SLC44A1: variants seen among roughly 807,000 people sequenced by gnomAD.
SLC44A1 encodes solute carrier family 44 member 1.
In SLC44A1, 26 loss-of-function variants were observed where a neutral mutation model predicts 79.3. That is an observed-to-expected ratio of 0.33 (90% CI 0.24 to 0.46). The LOEUF is 0.46. Among genes scored for constraint, SLC44A1 ranks in the 20% least tolerant of loss-of-function variants. The pLI is 1.00. For missense variants in SLC44A1, 688 were observed against 798.1 expected, an observed-to-expected ratio of 0.86 and a Z score of 1.66; for synonymous variants, 263 against 286.2, an observed-to-expected ratio of 0.92 and a Z score of 0.82.
At chr9:105,404,655 A>G (rs920142006) in intron 15 of SLC44A1, among the ~76,000 whole-genome samples, 2 of 152,216 alleles carry the variant, frequency 1.3e-5, no homozygotes, top group Non-Finnish European at 2.9e-5. Flanking sequence ...GGGGATAGGA[A>G]TATGCTTCGA....
At chr9:105,356,175 T>C (rs1302743808) in intron 5 of SLC44A1, 37 bp from the exon 6 acceptor site, 8 of 1,553,120 alleles carry the variant, frequency 5.2e-6, no homozygotes, top group African/African-American at 1.4e-5. Context: ...TAAGTAGGAG[T>C]AATTTTTTTT....
chr9:105,402,914 C>T (rs1214175475), intron 15 of SLC44A1, among the ~76,000 whole-genome samples: 6 of 151,192 alleles, frequency 4.0e-5, no homozygotes, highest in Admixed American at 2.0e-4. Context: ...ATAGCTCAAG[C>T]GATCCTCCCA....
chr9:105,299,931 G>T, intron 2 of SLC44A1: 1 of 985,534 alleles, frequency 1.0e-6, no homozygotes. Flanking sequence ...AGAGTTGCTG[G>T]TATAAGGTAT....
chr9:105,292,333 A>G (rs953903771), intron 1 of SLC44A1, among the ~76,000 whole-genome samples: 1 of 152,192 alleles, frequency 6.6e-6, no homozygotes, highest in Non-Finnish European at 1.5e-5. Flanking sequence ...AACCCTACAC[A>G]ATAAGTGTCA....
At chr9:105,437,085 C>T (rs1011207546) in intron 15 of SLC44A1, among the ~76,000 whole-genome samples, 1 of 152,006 alleles carries the variant, frequency 6.6e-6, no homozygotes, top group African/African-American at 2.4e-5. Flanking sequence ...CTGAGCCGGC[C>T]CTTATTTTTA....
chr9:105,391,692 C>A lies in SLC44A1; in HGVS notation c.*2636C>A. Reference sequence around the variant, plus strand: ...TTTTCATTCATTTCAAGTCATTCTTCAGCTAGCTATGGGCTGCCTTATTGC... The same window carrying A: ...TTTTCATTCATTTCAAGTCATTCTTAAGCTAGCTATGGGCTGCCTTATTGC... On this transcript the variant is annotated 3_prime_UTR_variant, in exon 16 of 16. Coordinates refer to ENST00000374720, the MANE Select transcript of SLC44A1 (RefSeq NM_080546.5). 1.0e-6 allele frequency: 1 copy of A among 985,304 alleles called. No individual in the cohort carries two copies. Among genetic ancestry groups the A allele is most frequent in the Non-Finnish European group, 1.2e-6 (1 of 829,898 alleles). The allele number at this position is 985,304 out of a possible 1,614,324, so 61.0% of individuals were successfully genotyped here.
chr9:105,409,083 CCTTA>C (rs1380985905), intron 15 of SLC44A1, among the ~76,000 whole-genome samples: 68 of 152,142 alleles, frequency 4.5e-4, no homozygotes, highest in African/African-American at 1.5e-3. Context: ...AGAAGCAAGG[CCTTA>C]CTTACCAGTT....
chr9:105,434,770 T>C (rs1829442793), intron 15 of SLC44A1, among the ~76,000 whole-genome samples: 1 of 152,234 alleles, frequency 6.6e-6, no homozygotes, highest in African/African-American at 2.4e-5. Flanking sequence ...CATCCAAGTG[T>C]AATGAAATCA....
intron 1 of SLC44A1, among the ~76,000 whole-genome samples, chr9:105,250,503 A>C (rs1281572626): frequency 6.6e-6 from 1 of 152,262 alleles, no homozygotes; most frequent in African/African-American, 2.4e-5. Context: ...CTGCAAAGAA[A>C]GAATGAAATA....
intron 15 of SLC44A1, among the ~76,000 whole-genome samples, chr9:105,414,357 C>T (rs1490728766): frequency 6.6e-6 from 1 of 152,138 alleles, no homozygotes; most frequent in Non-Finnish European, 1.5e-5. Context: ...GCCCAGCCGA[C>T]AGTTAGTGTT....
intron 1 of SLC44A1, among the ~76,000 whole-genome samples, chr9:105,270,345 G>A (rs1830050259): frequency 6.6e-6 from 1 of 152,158 alleles, no homozygotes; most frequent in Non-Finnish European, 1.5e-5. Flanking sequence ...ACTCATGGTC[G>A]TCTTGTGCTT....
At chr9:105,309,991 G>T (rs1831135801) in intron 3 of SLC44A1, 125 bp downstream of exon 3, 1 of 1,013,502 alleles carries the variant, frequency 9.9e-7, no homozygotes, top group Admixed American at 3.0e-5. Context: ...ACTTCTGTTG[G>T]TGTGTTTGAT....
At chr9:105,357,511 T>C (rs1253896477) in intron 6 of SLC44A1, among the ~76,000 whole-genome samples, 1 of 152,208 alleles carries the variant, frequency 6.6e-6, no homozygotes, top group East Asian at 1.9e-4. Context: ...TAAAAAATCT[T>C]TGTTCATTTG....
At chr9:105,375,574 T>A (rs559588406) in intron 13 of SLC44A1, among the ~76,000 whole-genome samples, 3 of 152,314 alleles carry the variant, frequency 2.0e-5, no homozygotes, top group African/African-American at 7.2e-5. Flanking sequence ...TGTTAATACA[T>A]GTAGGGTATC....
intron 1 of SLC44A1, among the ~76,000 whole-genome samples, chr9:105,269,967 C>T (rs576333608): frequency 6.6e-6 from 1 of 152,298 alleles, no homozygotes; most frequent in South Asian, 2.1e-4. Flanking sequence ...AGTTTACTCA[C>T]CTACTAGAGC....
At chr9:105,411,008 C>T (rs1212481337) in intron 15 of SLC44A1, among the ~76,000 whole-genome samples, 4 of 152,152 alleles carry the variant, frequency 2.6e-5, no homozygotes, top group Non-Finnish European at 4.4e-5. Flanking sequence ...ACAGAAAGCA[C>T]ATTCATGCTT....
chr9:105,357,690 A>G (rs1827661252), intron 6 of SLC44A1, among the ~76,000 whole-genome samples: 1 of 152,198 alleles, frequency 6.6e-6, no homozygotes, highest in Non-Finnish European at 1.5e-5. Context: ...GTATAACTCA[A>G]ACAGCTTTGC....
At chr9:105,291,441 G>A (rs73510285) in intron 1 of SLC44A1, among the ~76,000 whole-genome samples, 9 of 152,332 alleles carry the variant, frequency 5.9e-5, no homozygotes, top group African/African-American at 2.2e-4. Flanking sequence ...GACTATTATA[G>A]TGGCTTTTGA....
chr9:105,436,445 G>A (rs527476866), intron 15 of SLC44A1, among the ~76,000 whole-genome samples: 162 of 152,238 alleles, frequency 1.1e-3, no homozygotes, highest in African/African-American at 3.6e-3. Context: ...GTAGCGTGTG[G>A]CATGGAGCTT....
Sources: gnomAD v4.1 joint callset for allele counts (sites outside exome capture counted in the v4.1 genomes callset) on GRCh38, gnomAD v4.1.1 for gene constraint, MANE v1.5 for transcripts, NCBI Gene and HGNC (gene_info 2026-07-23, HGNC 2026-07-21) for gene names.